Variants in KATNAL1 observed in about 807,000 individuals in gnomAD.
KATNAL1 encodes the protein katanin p60 ATPase-containing subunit A-like 1.
Under a neutral mutation model 55.2 loss-of-function variants are expected in KATNAL1, and 32 were observed. The ratio of observed to expected loss-of-function variants is 0.58; its 90% CI spans 0.44 to 0.78. KATNAL1 has a LOEUF of 0.78. Among genes scored for constraint, KATNAL1 ranks in the 30% least tolerant of loss-of-function variants. KATNAL1 has a pLI of 0.00. For synonymous variants in KATNAL1, 193 were observed against 193.6 expected, an observed-to-expected ratio of 1.00 and a Z score of 0.02; for missense variants, 466 against 600.9, an observed-to-expected ratio of 0.78 and a Z score of 2.35.
intron 4 of KATNAL1, among the ~76,000 whole-genome samples, chr13:30,252,204 G>A (rs965896050): frequency 2.6e-5 from 4 of 152,204 alleles, no homozygotes; most frequent in Non-Finnish European, 5.9e-5. Context: ...ATAATGCTGA[G>A]CTCACAGGAT....
At chr13:30,269,001 T>C (rs906829849) in intron 3 of KATNAL1, among the ~76,000 whole-genome samples, 1 of 152,066 alleles carries the variant, frequency 6.6e-6, no homozygotes, top group Non-Finnish European at 1.5e-5. Flanking sequence ...TAGTATAATA[T>C]ATAATATAAT....
At chr13:30,255,691 T>C (rs1356470678) in intron 3 of KATNAL1, 76 bp from the exon 4 acceptor site, 9 of 1,225,434 alleles carry the variant, frequency 7.3e-6, no homozygotes, top group Non-Finnish European at 9.3e-6. Flanking sequence ...AATACTATCT[T>C]AGTCAATAAA....
intron 3 of KATNAL1, among the ~76,000 whole-genome samples, chr13:30,264,932 A>T (rs1879623443): frequency 6.9e-6 from 1 of 144,116 alleles, no homozygotes; most frequent in Non-Finnish European, 1.5e-5. Context: ...ATGTATGTTT[A>T]TTGCGGCATT....
At position 30,208,317 on chromosome 13, in the gene KATNAL1, A is replaced by T; in HGVS notation, c.*223T>A. The T allele has an allele frequency of 8.7e-6, 4 of 460,058 alleles. No individual in the cohort carries two copies. The South Asian group carries it at 1.4e-4, about 16-fold the overall frequency. 28.5% of individuals were successfully genotyped at this position (460,058 alleles called of 1,614,324 possible). A position where few individuals can be genotyped will look rare whatever the true frequency, so the allele number is the denominator to read the frequency against. On this transcript the variant is annotated 3_prime_UTR_variant, in exon 11 of 11. Coordinates refer to ENST00000380615, the MANE Select transcript of KATNAL1 (RefSeq NM_032116.5). ...TTTGGGTGTGCAATATTAATGCAGG[A>T]ATACGTGGAATACCAGCACAAAGCC...
At chr13:30,295,630 G>A (rs1030004653) in intron 1 of KATNAL1, among the ~76,000 whole-genome samples, 1 of 151,732 alleles carries the variant, frequency 6.6e-6, no homozygotes, top group Non-Finnish European at 1.5e-5. Context: ...TTGAATGGAT[G>A]AGTTGTTTCT....
intron 4 of KATNAL1, 37 bp downstream of exon 4, chr13:30,255,410 C>A (rs1878687799): frequency 1.4e-6 from 2 of 1,430,958 alleles, no homozygotes; most frequent in Non-Finnish European, 1.8e-6. Context: ...AAGTCCTGGG[C>A]TTCAAGTGAG....
intron 3 of KATNAL1, among the ~76,000 whole-genome samples, chr13:30,265,133 A>C (rs1879642300): frequency 6.6e-6 from 1 of 151,022 alleles, no homozygotes; most frequent in East Asian, 1.9e-4. Flanking sequence ...ACAAAAAACC[A>C]AACACCGCAT....
chr13:30,297,936 G>A (rs929676361), intron 1 of KATNAL1, among the ~76,000 whole-genome samples: 9 of 152,114 alleles, frequency 5.9e-5, no homozygotes, highest in Non-Finnish European at 1.0e-4. Context: ...TGGGTGACGG[G>A]ATCATTCATA....
chr13:30,274,907 GCACACACACACACA>G (rs368435407), intron 3 of KATNAL1, among the ~76,000 whole-genome samples: 128 of 105,422 alleles, frequency 1.2e-3, no homozygotes, highest in African/African-American at 3.2e-3. Flanking sequence ...GCGCGCGCGC[GCACACACACACACA>G]CACACACACA....
At chr13:30,240,900 A>C in intron 5 of KATNAL1, 59 bp downstream of exon 5, 1 of 1,505,922 alleles carries the variant, frequency 6.6e-7, no homozygotes, top group Non-Finnish European at 9.1e-7. Flanking sequence ...TCACACACCA[A>C]GACAACCTAT....
chr13:30,285,566 CT>C (rs1318663599), intron 1 of KATNAL1, among the ~76,000 whole-genome samples: 1 of 152,182 alleles, frequency 6.6e-6, no homozygotes, highest in East Asian at 1.9e-4. Flanking sequence ...AACCTCTTTT[CT>C]TTATAAATTA....
At chr13:30,231,742 T>C (rs1241906156) in intron 6 of KATNAL1, among the ~76,000 whole-genome samples, 1 of 152,176 alleles carries the variant, frequency 6.6e-6, no homozygotes, top group Non-Finnish European at 1.5e-5. Flanking sequence ...TTAGATATAA[T>C]CTCAGTTTCC....
intron 2 of KATNAL1, among the ~76,000 whole-genome samples, chr13:30,282,444 C>T (rs1030409349): frequency 2.6e-5 from 4 of 151,814 alleles, no homozygotes; most frequent in East Asian, 1.9e-4. Flanking sequence ...TTGAGACCAC[C>T]CTGGGCAACA....
Position 30,207,717 on chromosome 13 carries a change from A to G in KATNAL1, c.*823T>C, listed in dbSNP as rs1343125325. On this transcript the variant is annotated 3_prime_UTR_variant, in exon 11 of 11. Coordinates refer to ENST00000380615, the MANE Select transcript of KATNAL1 (RefSeq NM_032116.5). ...AGGAGGCAGAGGTTGCAGTGAGCCA[A>G]GATCAACCACTGCACTACACAGCCT... The G allele has an allele frequency of 6.6e-6, 1 of 152,278 alleles. No individual in the cohort carries two copies. Among genetic ancestry groups the G allele is most frequent in the Non-Finnish European group, 1.5e-5 (1 of 68,092 alleles). 9.4% of individuals were successfully genotyped at this position (152,278 alleles called of 1,614,324 possible).
rs531173291 is a variant in KATNAL1 at position 30,296,418 on chromosome 13, G to A, written c.-15+10913C>T. 59 of 915,546 alleles carry A rather than the reference G, an allele frequency of 6.4e-5. 1 individual carries two copies. The highest frequency in any genetic ancestry group is 1.4e-4 in the Admixed American group (8 of 55,934). The allele number at this position is 915,546 out of a possible 1,614,324, so 56.7% of individuals were successfully genotyped here. ...CACCTGGCTTGGATTAACATCCCCC[G>A]GAAGGAGGGAGGCTTGGGCCCCCTG... On this transcript the variant is annotated intron_variant, in intron 1 of 10. Transcript: ENST00000380615.
At chr13:30,300,441 AAAC>A (rs2137570957) in intron 1 of KATNAL1, among the ~76,000 whole-genome samples, 1 of 152,308 alleles carries the variant, frequency 6.6e-6, no homozygotes, top group East Asian at 1.9e-4. Context: ...GTGGTAAGCA[AAAC>A]AACAAATCAA....
At chr13:30,276,060 G>A (rs775807633) in intron 3 of KATNAL1, among the ~76,000 whole-genome samples, 26 of 151,948 alleles carry the variant, frequency 1.7e-4, no homozygotes, top group Non-Finnish European at 3.5e-4. Context: ...AAATCATTTC[G>A]TTAATACAAG....
chr13:30,297,634 G>A (rs369546588), intron 1 of KATNAL1, among the ~76,000 whole-genome samples: 1 of 152,172 alleles, frequency 6.6e-6, no homozygotes, highest in Non-Finnish European at 1.5e-5. Context: ...ATCAACAGTG[G>A]ATTGGATAAA....
At chr13:30,258,564 G>C (rs998546909) in intron 3 of KATNAL1, among the ~76,000 whole-genome samples, 1 of 152,136 alleles carries the variant, frequency 6.6e-6, no homozygotes, top group African/African-American at 2.4e-5. Context: ...TCATGATTCT[G>C]TAAGTCCAAT....
Sources: allele counts gnomAD v4.1 joint callset (sites outside exome capture counted in the v4.1 genomes callset), GRCh38; gene constraint gnomAD v4.1.1; transcripts MANE v1.5; gene names NCBI Gene and HGNC (gene_info 2026-07-23, HGNC 2026-07-21).